USP43: variants seen among roughly 807,000 people sequenced by gnomAD.
The protein encoded by USP43 is ubiquitin specific peptidase 43, also known as ubiquitin carboxyl-terminal hydrolase 43.
Under a neutral mutation model 90.7 loss-of-function variants are expected in USP43, and 33 were observed. The ratio of observed to expected loss-of-function variants is 0.36; its 90% CI spans 0.28 to 0.49. The LOEUF is 0.49. Ranked by LOEUF, USP43 falls within the 20% of genes least tolerant of loss-of-function variation. The pLI, the probability that USP43 is intolerant of heterozygous loss-of-function variation, is 0.98. For missense variants in USP43, 1,274 were observed against 1,476.4 expected, an observed-to-expected ratio of 0.86 and a Z score of 2.25; for synonymous variants, 598 against 615.8, an observed-to-expected ratio of 0.97 and a Z score of 0.43.
chr17:9,693,421 C>T (rs1272404693), intron 9 of USP43, among the ~76,000 whole-genome samples, 191 bp downstream of exon 9: 2 of 151,828 alleles, frequency 1.3e-5, no homozygotes, highest in East Asian at 1.9e-4. Context: ...TGGAGAGGCA[C>T]TATTATGTCC....
At chr17:9,715,771 G>T (rs550631165) in intron 14 of USP43, among the ~76,000 whole-genome samples, 17 of 142,352 alleles carry the variant, frequency 1.2e-4, no homozygotes, top group Admixed American at 2.7e-4. Flanking sequence ...GCGTGTTTGT[G>T]TCTATGTGTG....
At chr17:9,691,758 A>C (rs1914966752) in intron 8 of USP43, among the ~76,000 whole-genome samples, 1 of 152,170 alleles carries the variant, frequency 6.6e-6, no homozygotes, top group South Asian at 2.1e-4. Context: ...TCCATTAAAA[A>C]AAAAATTAGG....
intron 3 of USP43, among the ~76,000 whole-genome samples, chr17:9,667,600 G>C (rs1248763561): frequency 6.6e-6 from 1 of 152,186 alleles, no homozygotes; most frequent in Non-Finnish European, 1.5e-5. Flanking sequence ...ACTTCTCAGA[G>C]GAAGTGTGCC....
chr17:9,722,899 G>A lies in USP43; in HGVS notation c.2336-5055G>A, dbSNP rs78299934. ...AGCTTTATGTGACACATTCTGAGCCGTCTGTCCTGCATGTAGGGTGGTGGA... is the reference window on the plus strand; with the variant it reads ...AGCTTTATGTGACACATTCTGAGCCATCTGTCCTGCATGTAGGGTGGTGGA... On this transcript the variant is annotated intron_variant, in intron 14 of 14. Transcript: ENST00000285199. 5.9e-3 allele frequency among the ~76,000 whole-genome samples: 896 copies of A among 152,266 alleles called. 14 individuals are homozygous for A. Among genetic ancestry groups the A allele is most frequent in the African/African-American group, 0.02 (847 of 41,538 alleles).
chr17:9,646,573 G>A (rs1911419642), intron 1 of USP43, among the ~76,000 whole-genome samples: 1 of 152,112 alleles, frequency 6.6e-6, no homozygotes, highest in African/African-American at 2.4e-5. Context: ...ATGCAGTCAG[G>A]GCAAGCTGTA....
chr17:9,660,981 T>C (rs941957990), intron 2 of USP43, among the ~76,000 whole-genome samples: 10 of 152,218 alleles, frequency 6.6e-5, no homozygotes, highest in Admixed American at 2.6e-4. Context: ...TTCCCTTTCC[T>C]AGAAGGAAAG....
At chr17:9,721,897 AT>A (rs375545876) in intron 14 of USP43, among the ~76,000 whole-genome samples, 211 of 136,904 alleles carry the variant, frequency 1.5e-3, no homozygotes, top group South Asian at 3.1e-3. Flanking sequence ...CACCCAGCTA[AT>A]TTTTTTTTTT....
intron 14 of USP43, among the ~76,000 whole-genome samples, chr17:9,725,953 C>G (rs905951275): frequency 6.6e-6 from 1 of 152,166 alleles, no homozygotes; most frequent in Non-Finnish European, 1.5e-5. Context: ...TCCCCACCCC[C>G]CGAGGGCTGG....
chr17:9,705,088 T>A (rs1329281484), intron 12 of USP43, among the ~76,000 whole-genome samples: 1 of 152,194 alleles, frequency 6.6e-6, no homozygotes, highest in African/African-American at 2.4e-5. Context: ...CTTGATTCTA[T>A]GTTTGTTCCT....
intron 8 of USP43, among the ~76,000 whole-genome samples, chr17:9,688,570 C>T (rs1029052141): frequency 6.6e-6 from 1 of 151,962 alleles, no homozygotes; most frequent in Non-Finnish European, 1.5e-5. Context: ...AGGATGGTCT[C>T]AATCTCTTGG....
At chr17:9,703,942 G>A (rs1221064714) in intron 12 of USP43, among the ~76,000 whole-genome samples, 1 of 152,174 alleles carries the variant, frequency 6.6e-6, no homozygotes, top group East Asian at 1.9e-4. Context: ...AGGGTGATGG[G>A]AGCTTGACCT....
chr17:9,719,993 A>G (rs1916838282), intron 14 of USP43, among the ~76,000 whole-genome samples: 1 of 151,880 alleles, frequency 6.6e-6, no homozygotes, highest in African/African-American at 2.4e-5. Context: ...CTTGAGCCCA[A>G]GAAGTGGAGG....
chr17:9,671,410 GCA>G (rs962573169), intron 3 of USP43, among the ~76,000 whole-genome samples: 3 of 152,126 alleles, frequency 2.0e-5, no homozygotes, highest in African/African-American at 4.8e-5. Flanking sequence ...TTACGTATTG[GCA>G]TAATTACTGT....
chr17:9,727,630 A>G (rs2152005090), intron 14 of USP43, among the ~76,000 whole-genome samples: 1 of 152,308 alleles, frequency 6.6e-6, no homozygotes, highest in South Asian at 2.1e-4. Context: ...GGAATATTTA[A>G]AGATAGATGA....
intron 6 of USP43, among the ~76,000 whole-genome samples, chr17:9,681,554 C>T (rs1276584673): frequency 1.5e-5 from 2 of 134,164 alleles, no homozygotes; most frequent in Non-Finnish European, 1.6e-5. Flanking sequence ...AGTGCAGTGG[C>T]GTGATCTTGG....
At chr17:9,706,784 C>T (rs1250886373) in intron 12 of USP43, among the ~76,000 whole-genome samples, 1 of 151,782 alleles carries the variant, frequency 6.6e-6, no homozygotes, top group Non-Finnish European at 1.5e-5. Flanking sequence ...GCTGGGACTA[C>T]AGGCGGGTGC....
Position 9,709,642 on chromosome 17 carries a change from G to T in USP43, c.2012-314G>T, listed in dbSNP as rs1916072517. Among the ~76,000 whole-genome samples the T allele has an allele frequency of 1.3e-5, 2 of 152,070 alleles. No individual in the cohort carries two copies. The highest frequency in any genetic ancestry group is 2.9e-5 in the Non-Finnish European group (2 of 68,030). On this transcript the variant is annotated intron_variant, in intron 12 of 14. Transcript: ENST00000285199. This position sits in a 1 kb window ranked among gnomAD's most constrained non-coding sequence, Gnocchi z 5.0. ...GAGGCAGGAGAATCACTGGAACCCG[G>T]GGGGTGGAGGTTGCCGTGAGCCGAG...
At chr17:9,710,544 C>T (rs557253978) in intron 13 of USP43, among the ~76,000 whole-genome samples, 1 of 118,964 alleles carries the variant, frequency 8.4e-6, no homozygotes, top group Non-Finnish European at 1.6e-5. Flanking sequence ...CTCGCTCTGT[C>T]ACCAGGCTGG....
chr17:9,674,042 T>C lies in USP43; in HGVS notation c.741-849T>C, dbSNP rs111708005. Among the ~76,000 whole-genome samples the C allele has an allele frequency of 0.015, 2,237 of 152,208 alleles. 51 individuals carry two copies. Among genetic ancestry groups the C allele is most frequent in the African/African-American group, 0.049 (2,038 of 41,510 alleles). On this transcript the variant is annotated intron_variant, in intron 3 of 14. Coordinates refer to ENST00000285199, the MANE Select transcript of USP43 (RefSeq NM_153210.5). This position sits in a 1 kb window ranked among gnomAD's most constrained non-coding sequence, Gnocchi z 4.4. ...TGTCTGGACCCCTCTCTACCCACCT[T>C]GAAACAGAATCTCTGGGAGTGGGGC...
Sources: allele counts gnomAD v4.1 joint callset (sites outside exome capture counted in the v4.1 genomes callset), GRCh38; gene constraint gnomAD v4.1.1; non-coding constraint Gnocchi (gnomAD v3.1); transcripts MANE v1.5; gene names NCBI Gene and HGNC (gene_info 2026-07-23, HGNC 2026-07-21).